Variants in KCNIP1 observed in about 807,000 individuals in gnomAD.
KCNIP1 encodes potassium voltage-gated channel interacting protein 1, also known as A-type potassium channel modulatory protein KCNIP1.
A neutral mutation model predicts 33.0 loss-of-function variants in KCNIP1; 18 were observed. The observed-to-expected ratio is 0.55, with a 90% CI of 0.38 to 0.81. The LOEUF (loss-of-function observed/expected upper bound fraction) is 0.81. Ranked by LOEUF, KCNIP1 falls within the 30% of genes least tolerant of loss-of-function variation. The pLI, the probability that KCNIP1 is intolerant of heterozygous loss-of-function variation, is 0.00. For missense variants in KCNIP1, 238 were observed against 271.6 expected, an observed-to-expected ratio of 0.88 and a Z score of 0.87; for synonymous variants, 93 against 98.3, an observed-to-expected ratio of 0.95 and a Z score of 0.32.
chr5:170,475,504 A>G (rs888747562), intron 1 of KCNIP1, among the ~76,000 whole-genome samples: 1 of 152,236 alleles, frequency 6.6e-6, no homozygotes, highest in Admixed American at 6.5e-5. Context: ...CTGGAACAAG[A>G]CAGCAGCTTT....
At chr5:170,574,349 T>C (rs1016936598) in intron 1 of KCNIP1, among the ~76,000 whole-genome samples, 1 of 152,186 alleles carries the variant, frequency 6.6e-6, no homozygotes, top group Non-Finnish European at 1.5e-5. Context: ...TTAAAATAAA[T>C]ATGAGCTATA....
intron 1 of KCNIP1, among the ~76,000 whole-genome samples, chr5:170,557,739 G>T (rs987267298): frequency 6.6e-6 from 1 of 152,190 alleles, no homozygotes; most frequent in Non-Finnish European, 1.5e-5. Context: ...AAGAGTGCCC[G>T]AGTGTCTGGA....
chr5:170,469,594 G>A (rs954095348), intron 1 of KCNIP1, among the ~76,000 whole-genome samples: 1 of 152,088 alleles, frequency 6.6e-6, no homozygotes, highest in Non-Finnish European at 1.5e-5. Flanking sequence ...GCTACTGACT[G>A]TACCAAGACT....
chr5:170,561,193 T>G (rs1266637714), intron 1 of KCNIP1: 1 of 446,792 alleles, frequency 2.2e-6, no homozygotes, highest in African/African-American at 2.0e-5. Flanking sequence ...ACATTTAATG[T>G]GGCGCACTGA....
intron 1 of KCNIP1, among the ~76,000 whole-genome samples, chr5:170,676,656 C>T (rs563299785): frequency 6.6e-6 from 1 of 152,280 alleles, no homozygotes. Flanking sequence ...TCAGAAAGCC[C>T]CCATGGCAGC....
intron 1 of KCNIP1, among the ~76,000 whole-genome samples, chr5:170,521,090 G>A (rs543264793): frequency 6.6e-6 from 1 of 152,308 alleles, no homozygotes; most frequent in Non-Finnish European, 1.5e-5. Flanking sequence ...TCAGGCAACA[G>A]ACTTGATAAA....
Position 170,682,346 on chromosome 5 carries a change from G to A in KCNIP1, c.62-36412G>A, listed in dbSNP as rs143343860. On this transcript the variant is annotated intron_variant, in intron 1 of 7. Coordinates refer to ENST00000328939, the MANE Select transcript of KCNIP1 (RefSeq NM_014592.4). ...CAAAGGTTTCTTTGAATTCAGTTTTGTGGGTTGAGACGGGCAGCCAGACTG... is the reference window on the plus strand; with the variant it reads ...CAAAGGTTTCTTTGAATTCAGTTTTATGGGTTGAGACGGGCAGCCAGACTG... Among the ~76,000 whole-genome samples, 6 of 152,284 alleles carry A rather than the reference G, an allele frequency of 3.9e-5. No homozygotes were observed. In the East Asian group the frequency reaches 1.2e-3, roughly 29 times the overall value.
chr5:170,525,436 C>T (rs1755531872), intron 1 of KCNIP1, among the ~76,000 whole-genome samples: 1 of 152,224 alleles, frequency 6.6e-6, no homozygotes, highest in African/African-American at 2.4e-5. Flanking sequence ...AAGGCTCAAT[C>T]AACATTTAAA....
At chr5:170,372,790 CAGG>C (rs1763881369) in intron 1 of KCNIP1, among the ~76,000 whole-genome samples, 1 of 152,186 alleles carries the variant, frequency 6.6e-6, no homozygotes, top group African/African-American at 2.4e-5. Context: ...AGAATTGACA[CAGG>C]AGGAGGACTC....
intron 1 of KCNIP1, among the ~76,000 whole-genome samples, chr5:170,579,495 C>T (rs934173045): frequency 6.6e-6 from 1 of 152,150 alleles, no homozygotes; most frequent in Non-Finnish European, 1.5e-5. Flanking sequence ...CAGAAGCTGG[C>T]CCTAGATCTC....
At chr5:170,651,428 A>G (rs1175567319) in intron 1 of KCNIP1, among the ~76,000 whole-genome samples, 1 of 152,220 alleles carries the variant, frequency 6.6e-6, no homozygotes. Context: ...TAAGAAGTCT[A>G]TGGCATTAAC....
chr5:170,511,703 A>C (rs911691681), intron 1 of KCNIP1, among the ~76,000 whole-genome samples: 1 of 152,198 alleles, frequency 6.6e-6, no homozygotes, highest in African/African-American at 2.4e-5. Flanking sequence ...ACAAGATGCT[A>C]TTACAGTTCT....
intron 1 of KCNIP1, among the ~76,000 whole-genome samples, chr5:170,681,841 A>C (rs910628360): frequency 3.3e-5 from 5 of 152,230 alleles, no homozygotes; most frequent in African/African-American, 1.2e-4. Context: ...AAAGAGTTTT[A>C]TTTTTCCTCC....
intron 1 of KCNIP1, among the ~76,000 whole-genome samples, chr5:170,614,702 C>T (rs1251413383): frequency 1.3e-5 from 2 of 152,212 alleles, no homozygotes; most frequent in East Asian, 3.9e-4. Context: ...AAGCAACTCA[C>T]CAGGAAACAA....
At position 170,390,517 on chromosome 5, in the gene KCNIP1, A is replaced by AAAAAAAAAATATATATATATATATATAT; in HGVS notation, c.88+36554_88+36555insAAAAAAAATATATATATATATATATATA. On this transcript the variant is annotated intron_variant, in intron 1 of 7. Coordinates refer to the KCNIP1 transcript ENST00000377360. Reference sequence around the variant, plus strand: ...GACCCCGTCTCAAAAAAAAAAAACAAATATATATATATATATATATATTTT... The same window carrying AAAAAAAAAATATATATATATATATATAT: ...GACCCCGTCTCAAAAAAAAAAAACAAAAAAAAAAATATATATATATATATATATATATATATATATATATATATATTTT... Among the ~76,000 whole-genome samples the AAAAAAAAAATATATATATATATATATAT allele has an allele frequency of 2.7e-5, 2 of 74,540 alleles. 1 individual carries two copies. Among genetic ancestry groups the AAAAAAAAAATATATATATATATATATAT allele is most frequent in the Non-Finnish European group, 5.0e-5 (2 of 40,232 alleles). The allele number at this position is 74,540 out of a possible 152,430, so 48.9% of individuals were successfully genotyped here. A position where few individuals can be genotyped will look rare whatever the true frequency, so the allele number is the denominator to read the frequency against.
intron 1 of KCNIP1, among the ~76,000 whole-genome samples, chr5:170,690,620 C>T (rs1762688523): frequency 6.6e-6 from 1 of 152,248 alleles, no homozygotes; most frequent in Non-Finnish European, 1.5e-5. Flanking sequence ...GGGGCACCCT[C>T]ACTTCCACGT....
At chr5:170,412,871 T>C (rs7712328) in intron 1 of KCNIP1, among the ~76,000 whole-genome samples, 99,266 of 151,854 alleles carry the variant, frequency 0.65, 32,500 homozygotes, top group Middle Eastern at 0.73. Context: ...AATTTTCTTC[T>C]GTAGCCCCAC....
intron 1 of KCNIP1, among the ~76,000 whole-genome samples, chr5:170,466,337 G>T (rs1428336019): frequency 6.6e-6 from 1 of 152,184 alleles, no homozygotes; most frequent in Non-Finnish European, 1.5e-5. Context: ...ACATTAATAT[G>T]TCTAGTCAGA....
At chr5:170,689,997 C>A (rs1762666563) in intron 1 of KCNIP1, among the ~76,000 whole-genome samples, 1 of 152,176 alleles carries the variant, frequency 6.6e-6, no homozygotes, top group East Asian at 1.9e-4. Flanking sequence ...GAACAGCCTG[C>A]CTTTATCCTG....
Sources: gnomAD v4.1 joint callset for allele counts (sites outside exome capture counted in the v4.1 genomes callset) on GRCh38, gnomAD v4.1.1 for gene constraint, MANE v1.5 for transcripts, NCBI Gene and HGNC (gene_info 2026-07-23, HGNC 2026-07-21) for gene names.